Variants in PDE4D observed in about 807,000 individuals in gnomAD.
PDE4D encodes 3',5'-cyclic-AMP phosphodiesterase 4D.
In PDE4D, 24 loss-of-function variants were observed where a neutral mutation model predicts 87.4. That is an observed-to-expected ratio of 0.27 (90% CI 0.20 to 0.39). The LOEUF (loss-of-function observed/expected upper bound fraction) is 0.39, where lower values mean the gene tolerates loss of function less well. PDE4D is among the 10% of genes least tolerant of loss of function. PDE4D has a pLI of 1.00. For missense variants in PDE4D, 714 were observed against 1,041.0 expected (o/e 0.69, Z 4.32); for synonymous variants, 384 against 383.2 (o/e 1.00, Z -0.02).
chr5:59,721,376 T>C (rs943549996), intron 1 of PDE4D, among the ~76,000 whole-genome samples: 7 of 152,192 alleles, frequency 4.6e-5, no homozygotes, highest in Admixed American at 4.6e-4. Context: ...TTCTATGAAT[T>C]CTCAGTACGT....
intron 1 of PDE4D, chr5:59,587,757 A>G: frequency 4.4e-6 from 1 of 226,182 alleles, no homozygotes; most frequent in Non-Finnish European, 7.4e-6. Context: ...AAGAGCAAGC[A>G]AAAGGGGTTA....
intron 1 of PDE4D, among the ~76,000 whole-genome samples, chr5:59,256,949 T>G (rs1388457606): frequency 1.3e-5 from 2 of 152,074 alleles, no homozygotes; most frequent in East Asian, 3.9e-4. Context: ...ATCAACATAC[T>G]GTCAAGTGCA....
intron 1 of PDE4D, among the ~76,000 whole-genome samples, chr5:59,431,444 C>T (rs975867192): frequency 2.6e-5 from 4 of 151,866 alleles, no homozygotes; most frequent in Non-Finnish European, 4.4e-5. Flanking sequence ...TATTTCTTAT[C>T]CAGGATTTGA....
At chr5:59,085,331 T>C (rs1767467749) in intron 5 of PDE4D, among the ~76,000 whole-genome samples, 4 of 152,154 alleles carry the variant, frequency 2.6e-5, no homozygotes, top group Non-Finnish European at 5.9e-5. Flanking sequence ...AATCTCATTG[T>C]TGTTAGTAAA....
At chr5:60,493,333 T>A (rs1749634074) in intron 1 of PDE4D, among the ~76,000 whole-genome samples, 1 of 152,220 alleles carries the variant, frequency 6.6e-6, no homozygotes, top group Non-Finnish European at 1.5e-5. Context: ...GGGTTACCGA[T>A]CATGAACAGC....
intron 1 of PDE4D, among the ~76,000 whole-genome samples, chr5:59,394,838 G>A (rs1235934955): frequency 6.6e-6 from 1 of 152,114 alleles, no homozygotes; most frequent in Non-Finnish European, 1.5e-5. Flanking sequence ...TCTCACTAGG[G>A]AGTGCCAGAC....
At chr5:59,134,271 T>C (rs2153452310) in intron 5 of PDE4D, among the ~76,000 whole-genome samples, 1 of 150,696 alleles carries the variant, frequency 6.6e-6, no homozygotes, top group Non-Finnish European at 1.5e-5. Context: ...AATTTACTTA[T>C]CTATGATTCC....
chr5:60,388,208 A>G (rs1416253466), intron 1 of PDE4D, among the ~76,000 whole-genome samples: 2 of 152,222 alleles, frequency 1.3e-5, no homozygotes, highest in South Asian at 4.2e-4. Flanking sequence ...GCTTCATTAC[A>G]TAAACATGAT....
intron 5 of PDE4D, among the ~76,000 whole-genome samples, chr5:59,125,940 C>T (rs1775324545): frequency 6.6e-6 from 1 of 152,036 alleles, no homozygotes; most frequent in Non-Finnish European, 1.5e-5. Context: ...TGTGTGAAGG[C>T]TCTGGCTCTG....
At chr5:59,659,008 C>T (rs1580218489) in intron 1 of PDE4D, among the ~76,000 whole-genome samples, 1 of 152,218 alleles carries the variant, frequency 6.6e-6, no homozygotes, top group East Asian at 1.9e-4. Flanking sequence ...CTCTCTAAAA[C>T]ATAAAAGAAA....
intron 1 of PDE4D, among the ~76,000 whole-genome samples, chr5:60,247,130 T>C (rs1181540487): frequency 6.6e-6 from 1 of 152,004 alleles, no homozygotes; most frequent in African/African-American, 2.4e-5. Flanking sequence ...GGTCACAACT[T>C]TGTACTGAAG....
At chr5:59,773,883 G>T (rs983507508) in intron 1 of PDE4D, among the ~76,000 whole-genome samples, 1 of 151,702 alleles carries the variant, frequency 6.6e-6, no homozygotes, top group Non-Finnish European at 1.5e-5. Flanking sequence ...ACTTTAGAAG[G>T]GAATATAAAT....
intron 1 of PDE4D, among the ~76,000 whole-genome samples, chr5:60,486,968 G>C (rs1040733827): frequency 1.3e-5 from 2 of 152,112 alleles, no homozygotes; most frequent in African/African-American, 4.8e-5. Flanking sequence ...TAATTTCATA[G>C]GCAAAAGCCC....
rs764430366 is a variant in PDE4D, at chr5:59,065,067, T to TATACAC, written c.809-26097_809-26096insGTGTAT. 2.8e-3 allele frequency among the ~76,000 whole-genome samples: 249 copies of TATACAC among 89,210 alleles called. 1 individual carries two copies. Among genetic ancestry groups the TATACAC allele is most frequent in the Non-Finnish European group, 4.5e-3 (146 of 32,438 alleles). The allele number at this position is 89,210 out of a possible 152,430, so 58.5% of individuals were successfully genotyped here. On this transcript the variant is annotated intron_variant, in intron 5 of 14. Coordinates refer to ENST00000340635, the MANE Select transcript of PDE4D (RefSeq NM_001104631.2). Reference sequence around the variant, plus strand: ...GGACAAAGGAAATGTGATATATATATACACACACACACACACACACACACA... The same window carrying TATACAC: ...GGACAAAGGAAATGTGATATATATATATACACACACACACACACACACACACACACA...
Position 59,991,446 on chromosome 5 carries a change from G to A in PDE4D, c.43-2729C>T, listed in dbSNP as rs548609000. Among the ~76,000 whole-genome samples the A allele has an allele frequency of 2.0e-5, 3 of 152,214 alleles. No individual in the cohort carries two copies. The South Asian group carries it at 6.2e-4, about 32-fold the overall frequency. On this transcript the variant is annotated intron_variant, in intron 2 of 16. Transcript: ENST00000502484. ...GAAAAACAATGGCTTGGAGATATCA[G>A]AAATACTATCTTTTCCATCATCTCC...
intron 1 of PDE4D, among the ~76,000 whole-genome samples, chr5:59,704,927 T>C (rs182503663): frequency 6.6e-6 from 1 of 152,348 alleles, no homozygotes; most frequent in East Asian, 1.9e-4. Context: ...TTTAGTTCTC[T>C]AAAACTCTGT....
chr5:60,282,928 T>C (rs1208998574), intron 1 of PDE4D, among the ~76,000 whole-genome samples: 1 of 152,234 alleles, frequency 6.6e-6, no homozygotes, highest in African/African-American at 2.4e-5. Context: ...TATTTTATGG[T>C]CTAAAATATA....
chr5:59,771,132 A>AAAAT (rs201697322), intron 1 of PDE4D, among the ~76,000 whole-genome samples: 39,057 of 142,980 alleles, frequency 0.27, 5,954 homozygotes, highest in African/African-American at 0.37. Flanking sequence ...ACCCAGCCTC[A>AAAAT]AAATAAATAA....
chr5:60,270,993 A>T (rs990013947), intron 1 of PDE4D, among the ~76,000 whole-genome samples: 2 of 152,234 alleles, frequency 1.3e-5, no homozygotes, highest in African/African-American at 4.8e-5. Flanking sequence ...AGATGCAGAT[A>T]GTGGCCATCT....
Sources: allele counts gnomAD v4.1 joint callset (sites outside exome capture counted in the v4.1 genomes callset), GRCh38; gene constraint gnomAD v4.1.1; transcripts MANE v1.5; gene names NCBI Gene and HGNC (gene_info 2026-07-23, HGNC 2026-07-21).